The following COG7 variants were observed in gnomAD, a reference collection of about 807,000 sequenced individuals.
COG7 encodes component of oligomeric golgi complex 7.
In COG7, 49 loss-of-function variants were observed where a neutral mutation model predicts 91.5. The ratio of observed to expected loss-of-function variants is 0.54; its 90% confidence interval spans 0.43 to 0.68. The LOEUF is 0.68. Ranked by LOEUF, COG7 falls within the 30% of genes least tolerant of loss-of-function variation. The probability of loss-of-function intolerance (pLI) is 0.00; values close to 1 mark genes in which losing one functional copy is unlikely to be tolerated. For synonymous variants in COG7, 365 were observed against 388.7 expected, an observed-to-expected ratio of 0.94 and a Z score of 0.72; for missense variants, 895 against 961.3, an observed-to-expected ratio of 0.93 and a Z score of 0.91.
At chr16:23,405,018 G>A (rs1435072251) in intron 12 of COG7, among the ~76,000 whole-genome samples, 1 of 152,190 alleles carries the variant, frequency 6.6e-6, no homozygotes, top group Non-Finnish European at 1.5e-5. Context: ...AGTGAGGGAG[G>A]AGGACAGTTC....
intron 10 of COG7, among the ~76,000 whole-genome samples, chr16:23,411,901 G>A (rs1314011649): frequency 6.9e-6 from 1 of 145,496 alleles, no homozygotes; most frequent in East Asian, 2.0e-4. Context: ...TTTTTTTTGA[G>A]ATGAGGTCTT....
At chr16:23,407,832 T>G (rs1351580683) in intron 11 of COG7, among the ~76,000 whole-genome samples, 1 of 151,752 alleles carries the variant, frequency 6.6e-6, no homozygotes. Flanking sequence ...TAGCATAAAT[T>G]TACAAGTTCC....
At chr16:23,425,235 G>A (rs1312781799) in intron 6 of COG7, among the ~76,000 whole-genome samples, 2 of 152,118 alleles carry the variant, frequency 1.3e-5, no homozygotes, top group African/African-American at 2.4e-5. Flanking sequence ...ACTTGAACCC[G>A]GGAGGTGCAG....
intron 6 of COG7, among the ~76,000 whole-genome samples, chr16:23,429,817 G>A (rs1290009709): frequency 6.6e-6 from 1 of 152,112 alleles, no homozygotes; most frequent in African/African-American, 2.4e-5. Flanking sequence ...ACAGTATTCA[G>A]CAACAGAAAG....
At chr16:23,394,162 A>G (rs7189325) in intron 14 of COG7, among the ~76,000 whole-genome samples, 3,913 of 152,196 alleles carry the variant, frequency 0.026, 100 homozygotes, top group African/African-American at 0.068. Flanking sequence ...AAAGCCATTT[A>G]TAACTATAAA....
At chr16:23,420,021 G>T (rs1963728857) in intron 7 of COG7, among the ~76,000 whole-genome samples, 1 of 151,488 alleles carries the variant, frequency 6.6e-6, no homozygotes. Context: ...ATGCATCTGT[G>T]GTCCCAGCTA....
intron 7 of COG7, among the ~76,000 whole-genome samples, chr16:23,422,291 C>T (rs543171047): frequency 3.7e-4 from 56 of 150,956 alleles, no homozygotes; most frequent in African/African-American, 1.1e-3. Flanking sequence ...CTAACCTGGG[C>T]GACAGAGCAA....
chr16:23,436,859 T>C (rs1193896963), intron 4 of COG7, among the ~76,000 whole-genome samples: 1 of 152,140 alleles, frequency 6.6e-6, no homozygotes. Flanking sequence ...TTAAGATTAA[T>C]CACCAAAAGA....
At chr16:23,443,849 G>A (rs1310213660) in intron 3 of COG7, among the ~76,000 whole-genome samples, 1 of 151,782 alleles carries the variant, frequency 6.6e-6, no homozygotes, top group Non-Finnish European at 1.5e-5. Context: ...GGGCTTGTCC[G>A]CACAAGAAAA....
intron 7 of COG7, among the ~76,000 whole-genome samples, chr16:23,422,922 G>C (rs1963782569): frequency 6.6e-6 from 1 of 151,344 alleles, no homozygotes; most frequent in Non-Finnish European, 1.5e-5. Flanking sequence ...GTGTGTGCCT[G>C]TAATCCCAAC....
chr16:23,393,614 A>G (rs1963236219), intron 14 of COG7: 1 of 479,010 alleles, frequency 2.1e-6, no homozygotes, highest in Non-Finnish European at 3.8e-6. Context: ...CTCTATCTCC[A>G]ATGAAGTAAT....
At chr16:23,432,587 A>C (rs1321620308) in intron 6 of COG7, among the ~76,000 whole-genome samples, 2 of 152,228 alleles carry the variant, frequency 1.3e-5, no homozygotes, top group Non-Finnish European at 2.9e-5. Flanking sequence ...AAAGTAAGAC[A>C]GGCTCTTCCC....
At chr16:23,436,792 AT>A (rs1277598907) in intron 4 of COG7, among the ~76,000 whole-genome samples, 2 of 152,212 alleles carry the variant, frequency 1.3e-5, no homozygotes, top group Non-Finnish European at 2.9e-5. Flanking sequence ...AACATGGCTG[AT>A]TATAAACAGC....
In COG7 at chr16:23,452,490, G is replaced by A. The variant is rs1381686818; in HGVS notation, c.169+336C>T. On this transcript the variant is annotated intron_variant, in intron 1 of 16. Coordinates refer to ENST00000307149, the MANE Select transcript of COG7 (RefSeq NM_153603.4). ...CGAGAGGCGAGAGGATCGCTTGAGT[G>A]CAGGAGTTCGAGGCTGCAGTGAGCT... Among the ~76,000 whole-genome samples, 3 of 152,122 alleles carry A rather than the reference G, an allele frequency of 2.0e-5. No homozygotes were observed. The East Asian group carries it at 5.8e-4, about 29-fold the overall frequency.
intron 1 of COG7, among the ~76,000 whole-genome samples, chr16:23,450,348 C>T (rs1337364294): frequency 6.6e-6 from 1 of 152,166 alleles, no homozygotes; most frequent in African/African-American, 2.4e-5. Context: ...GAAGTAACTG[C>T]ACCCTCCTGA....
intron 4 of COG7, among the ~76,000 whole-genome samples, chr16:23,439,873 A>G (rs1964072513): frequency 6.6e-6 from 1 of 152,134 alleles, no homozygotes; most frequent in Non-Finnish European, 1.5e-5. Context: ...TTTTGCCACA[A>G]TTTTTTAAAT....
At chr16:23,392,588 T>C (rs911553866) in intron 15 of COG7, 65 bp from the exon 16 acceptor site, 1 of 1,594,638 alleles carries the variant, frequency 6.3e-7, no homozygotes, top group East Asian at 2.2e-5. Context: ...TGCACCAAAG[T>C]ACCAGGAAGC....
At chr16:23,442,759 A>G (rs771692992) in intron 3 of COG7, 114 bp from the exon 4 acceptor site, 11 of 945,964 alleles carry the variant, frequency 1.2e-5, no homozygotes, top group East Asian at 2.4e-5. Context: ...GGGGCTGGGC[A>G]TCGTGGTGGT....
At position 23,417,028 on chromosome 16, in the gene COG7, T is replaced by C; in HGVS notation, c.1231A>G (p.Arg411Gly). ...CAGGTCCCCAGGCCATTGGTGAATC[T>C]GACGCATCTGTCAACGGCTGCAGAC... ...LASAAVDRCVRFTNGLGTCGL... is the reference protein window; with the variant it reads ...LASAAVDRCVGFTNGLGTCGL... Residue 411 changes from arginine to glycine, a missense_variant, in exon 9 of 17, where the codon AGA becomes GGA. Transcript: ENST00000307149. 6.2e-7 allele frequency: 1 copy of C among 1,614,248 alleles called. No individual in the cohort carries two copies.
Sources: allele counts gnomAD v4.1 joint callset (sites outside exome capture counted in the v4.1 genomes callset), GRCh38; gene constraint gnomAD v4.1.1; transcripts MANE v1.5; gene names NCBI Gene and HGNC (gene_info 2026-07-23, HGNC 2026-07-21).